Variants in PKP1 observed in about 807,000 individuals in gnomAD.
The protein encoded by PKP1 is plakophilin 1.
A neutral mutation model predicts 76.4 loss-of-function variants in PKP1; 27 were observed. The ratio of observed to expected loss-of-function variants is 0.35; its 90% confidence interval spans 0.26 to 0.49. The LOEUF (loss-of-function observed/expected upper bound fraction) is 0.49. Ranked by LOEUF, PKP1 falls within the 20% of genes least tolerant of loss-of-function variation. The probability of loss-of-function intolerance (pLI) is 0.99; values close to 1 mark genes in which losing one functional copy is unlikely to be tolerated. For synonymous variants in PKP1, 404 were observed against 384.2 expected, an observed-to-expected ratio of 1.05 and a Z score of -0.60; for missense variants, 964 against 955.2, an observed-to-expected ratio of 1.01 and a Z score of -0.12.
intron 12 of PKP1, among the ~76,000 whole-genome samples, chr1:201,326,333 G>A (rs1248702781): frequency 6.6e-6 from 1 of 152,242 alleles, no homozygotes; most frequent in Non-Finnish European, 1.5e-5. Flanking sequence ...AGGCAGAGTG[G>A]GCTGAGAAGC....
intron 2 of PKP1, 113 bp downstream of exon 2, chr1:201,294,158 C>G: frequency 1.3e-6 from 1 of 763,378 alleles, no homozygotes; most frequent in East Asian, 2.7e-5. Context: ...GGCTTTGGTC[C>G]GTGAGTTGAG....
chr1:201,324,734 G>C (rs1425042914), intron 10 of PKP1, among the ~76,000 whole-genome samples, 153 bp downstream of exon 10: 1 of 152,194 alleles, frequency 6.6e-6, no homozygotes, highest in Non-Finnish European at 1.5e-5. Flanking sequence ...CAGGAGAAGG[G>C]AGCCTGTCAC....
intron 6 of PKP1, among the ~76,000 whole-genome samples, chr1:201,319,299 G>A (rs1656863740): frequency 6.6e-6 from 1 of 152,218 alleles, no homozygotes. Context: ...GGGGCTGGTG[G>A]GAGGGCTTGT....
rs931621625 is a variant in PKP1, at chr1:201,321,919, G to A, written c.1348-59G>A. ...CTCTTATTAGCTAGGGTAGGTGGTA[G>A]GCCAGGAGCCTGTCGGGCCGGGCAG... On this transcript the variant is annotated intron_variant, in intron 7 of 13. Transcript: ENST00000367324. 3 of 1,601,918 alleles carry A rather than the reference G, an allele frequency of 1.9e-6. No individual in the cohort carries two copies. In the African/African-American group the frequency reaches 4.0e-5, roughly 21 times the overall value.
intron 7 of PKP1, 76 bp downstream of exon 7, chr1:201,320,457 C>T (rs1656905057): frequency 1.1e-6 from 1 of 904,774 alleles, no homozygotes; most frequent in Admixed American, 1.9e-5. Context: ...TGAGGCCTGG[C>T]CCAGTGACAA....
chr1:201,325,909 G>C, intron 12 of PKP1, 71 bp downstream of exon 12: 1 of 1,179,264 alleles, frequency 8.5e-7, no homozygotes, highest in Non-Finnish European at 1.3e-6. Context: ...GCATATGCTG[G>C]GCTCTGGGCT....
At position 201,317,792 on chromosome 1, in the gene PKP1, G is replaced by C; in HGVS notation, c.1054+13G>C. 4 of 1,610,762 alleles carry C rather than the reference G, an allele frequency of 2.5e-6. No individual in the cohort carries two copies. Among genetic ancestry groups the C allele is most frequent in the Non-Finnish European group, 3.4e-6 (4 of 1,178,956 alleles). On this transcript the variant is annotated intron_variant, in intron 5 of 13. Coordinates refer to ENST00000367324, the MANE Select transcript of PKP1 (RefSeq NM_001005337.3). Reference sequence around the variant, plus strand: ...AAGCAGCTGACTGGTAGGACAACACGGCCACCGAGAGCCAGCCTGAGGGCT... The same window carrying C: ...AAGCAGCTGACTGGTAGGACAACACCGCCACCGAGAGCCAGCCTGAGGGCT...
At chr1:201,322,951 C>G (rs1656992809) in intron 8 of PKP1, 62 bp from the exon 9 acceptor site, 1 of 1,540,578 alleles carries the variant, frequency 6.5e-7, no homozygotes, top group Non-Finnish European at 8.9e-7. Flanking sequence ...GGACAGAATG[C>G]CTGGGTTGTG....
At chr1:201,316,455 G>T in intron 3 of PKP1, 98 bp from the exon 4 acceptor site, 4 of 1,314,562 alleles carry the variant, frequency 3.0e-6, no homozygotes, top group Non-Finnish European at 4.2e-6. Flanking sequence ...GAGGGCAGAT[G>T]AGGCTGTGGC....
rs888933640 is a variant in PKP1 at position 201,332,394 on chromosome 1, C to G, written c.*2353C>G. ...CTGCCCATTCCCTCTCAGGCCAGCTCAGGTCACCCGGGCCTCTGACCCAGG... is the reference window on the plus strand; with the variant it reads ...CTGCCCATTCCCTCTCAGGCCAGCTGAGGTCACCCGGGCCTCTGACCCAGG... On this transcript the variant is annotated 3_prime_UTR_variant, in exon 14 of 14. Transcript: ENST00000367324. 1.3e-5 allele frequency: 2 copies of G among 152,258 alleles called. No individual in the cohort carries two copies. Among genetic ancestry groups the G allele is most frequent in the African/African-American group, 2.4e-5 (1 of 41,466 alleles). The allele number at this position is 152,258 out of a possible 1,614,324, so 9.4% of individuals were successfully genotyped here.
At chr1:201,302,772 G>A (rs1397343774) in intron 2 of PKP1, among the ~76,000 whole-genome samples, 15 of 151,484 alleles carry the variant, frequency 9.9e-5, no homozygotes, top group African/African-American at 2.4e-4. Flanking sequence ...CCCCCACAGC[G>A]TGCCCAAGGG....
At chr1:201,316,771 G>C in intron 4 of PKP1, 74 bp downstream of exon 4, 1 of 1,545,528 alleles carries the variant, frequency 6.5e-7, no homozygotes, top group South Asian at 1.1e-5. Flanking sequence ...TCCGCTTTTA[G>C]AGATGGGTGA....
chr1:201,317,792 G>T lies in PKP1; in HGVS notation c.1054+13G>T, dbSNP rs373301782. ...AAGCAGCTGACTGGTAGGACAACACGGCCACCGAGAGCCAGCCTGAGGGCT... is the reference window on the plus strand; with the variant it reads ...AAGCAGCTGACTGGTAGGACAACACTGCCACCGAGAGCCAGCCTGAGGGCT... On this transcript the variant is annotated intron_variant, in intron 5 of 13. Transcript: ENST00000367324. 2.7e-4 allele frequency: 430 copies of T among 1,610,758 alleles called. 6 individuals are homozygous for T. The South Asian group carries it at 4.2e-3, about 16-fold the overall frequency.
chr1:201,327,738 C>T (rs1003136791), intron 12 of PKP1, among the ~76,000 whole-genome samples: 23 of 152,064 alleles, frequency 1.5e-4, no homozygotes, highest in African/African-American at 4.8e-4. Flanking sequence ...CTATGCTTGA[C>T]AACCATCCTG....
In PKP1 at chr1:201,310,341, G is replaced by A. The variant is rs572598305; in HGVS notation, c.307-2825G>A. ...TTTACAGATGGAAAAACTGAGGCAC[G>A]TTGGGCTTAAGTAATTGCCCAAGGC... On this transcript the variant is annotated intron_variant, in intron 2 of 13. Transcript: ENST00000367324. Among the ~76,000 whole-genome samples the A allele has an allele frequency of 8.0e-4, 122 of 152,354 alleles. 1 individual carries two copies. The highest frequency in any genetic ancestry group is 3.4e-3 in the Middle Eastern group (1 of 294).
intron 1 of PKP1, among the ~76,000 whole-genome samples, chr1:201,288,262 C>CA (rs1655796394): frequency 6.6e-6 from 1 of 152,214 alleles, no homozygotes; most frequent in South Asian, 2.1e-4. Context: ...TCTAGCTCTG[C>CA]AAACCATTTG....
rs753920869 is a variant in PKP1, at chr1:201,322,146, T to C, written c.1503+13T>C. ...CGACAAGATGATGGTGAGCACAGCA[T>C]CAGCAGGGCGGGGCCTGCCCCATCA... On this transcript the variant is annotated intron_variant, in intron 8 of 13. Coordinates refer to ENST00000367324, the MANE Select transcript of PKP1 (RefSeq NM_001005337.3). 3 of 1,608,542 alleles carry C rather than the reference T, an allele frequency of 1.9e-6. No homozygotes were observed. The highest frequency in any genetic ancestry group is 2.5e-6 in the Non-Finnish European group (3 of 1,179,878).
chr1:201,307,554 G>A (rs1656408637), intron 2 of PKP1, among the ~76,000 whole-genome samples: 1 of 152,140 alleles, frequency 6.6e-6, no homozygotes, highest in South Asian at 2.1e-4. Flanking sequence ...GGGAGCACCT[G>A]TGCTCTCCAA....
At chr1:201,288,530 G>A (rs568800071) in intron 1 of PKP1, among the ~76,000 whole-genome samples, 89 of 152,320 alleles carry the variant, frequency 5.8e-4, no homozygotes, top group African/African-American at 2.0e-3. Context: ...ATTCTCATGT[G>A]TAGCCAAGTT....
Sources: gnomAD v4.1 joint callset for allele counts (sites outside exome capture counted in the v4.1 genomes callset) on GRCh38, gnomAD v4.1.1 for gene constraint, MANE v1.5 for transcripts, NCBI Gene and HGNC (gene_info 2026-07-23, HGNC 2026-07-21) for gene names.